Variants in GRIK2 observed in about 807,000 individuals in gnomAD.
GRIK2 encodes the protein glutamate receptor ionotropic, kainate 2.
GRIK2 carries 32 observed loss-of-function variants against 100.3 expected under a neutral mutation model. The ratio of observed to expected loss-of-function variants is 0.32; its 90% confidence interval spans 0.24 to 0.43. GRIK2 has a LOEUF of 0.43. Ranked by LOEUF, GRIK2 falls within the 20% of genes least tolerant of loss-of-function variation. The pLI, the probability that GRIK2 is intolerant of heterozygous loss-of-function variation, is 1.00. For synonymous variants in GRIK2, 417 were observed against 389.4 expected (o/e 1.07, Z -0.83); for missense variants, 843 against 1,114.9 (o/e 0.76, Z 3.47).
At chr6:101,955,750 G>A (rs1268531441) in intron 14 of GRIK2, among the ~76,000 whole-genome samples, 2 of 151,426 alleles carry the variant, frequency 1.3e-5, no homozygotes, top group African/African-American at 4.9e-5. Context: ...TTTTCTGTTA[G>A]ATTGTAGGCA....
At chr6:101,669,453 A>G (rs1236725125) in intron 4 of GRIK2, among the ~76,000 whole-genome samples, 1 of 152,124 alleles carries the variant, frequency 6.6e-6, no homozygotes, top group Non-Finnish European at 1.5e-5. Flanking sequence ...TTATTTTGAG[A>G]GACTTATTTT....
At chr6:101,921,853 C>T (rs1410333759) in intron 12 of GRIK2, among the ~76,000 whole-genome samples, 1 of 151,964 alleles carries the variant, frequency 6.6e-6, no homozygotes, top group African/African-American at 2.4e-5. Context: ...TATTGGAGAC[C>T]ATTTTTCTTA....
intron 2 of GRIK2, among the ~76,000 whole-genome samples, chr6:101,449,888 G>A (rs917504382): frequency 6.6e-6 from 1 of 151,650 alleles, no homozygotes; most frequent in Non-Finnish European, 1.5e-5. Context: ...GTGTAGAGAC[G>A]ATTAATTCAA....
chr6:101,693,636 GA>G (rs1256207692), intron 7 of GRIK2, among the ~76,000 whole-genome samples: 1 of 151,938 alleles, frequency 6.6e-6, no homozygotes, highest in Non-Finnish European at 1.5e-5. Flanking sequence ...TATCTTTTTA[GA>G]AAAGTGCCAA....
chr6:101,861,527 T>C (rs1257437929), intron 11 of GRIK2, among the ~76,000 whole-genome samples: 1 of 152,116 alleles, frequency 6.6e-6, no homozygotes, highest in Non-Finnish European at 1.5e-5. Context: ...TTAAGATTAA[T>C]TAAACATAGA....
At chr6:101,880,196 T>C (rs1228355489) in intron 11 of GRIK2, among the ~76,000 whole-genome samples, 2 of 152,098 alleles carry the variant, frequency 1.3e-5, no homozygotes, top group Non-Finnish European at 2.9e-5. Context: ...TTTGGTTTGC[T>C]CATCAGACTA....
intron 2 of GRIK2, among the ~76,000 whole-genome samples, chr6:101,614,030 G>A (rs1265595252): frequency 1.3e-5 from 2 of 151,626 alleles, no homozygotes; most frequent in African/African-American, 2.4e-5. Flanking sequence ...TGCTTCAGAT[G>A]ATAAGTTTGT....
At chr6:101,822,600 A>G (rs1354095695) in intron 10 of GRIK2, among the ~76,000 whole-genome samples, 1 of 152,200 alleles carries the variant, frequency 6.6e-6, no homozygotes, top group Non-Finnish European at 1.5e-5. Context: ...ACAAAAAATC[A>G]TAGCAGACAT....
chr6:101,541,548 A>T (rs1031703154), intron 2 of GRIK2, among the ~76,000 whole-genome samples: 1 of 152,052 alleles, frequency 6.6e-6, no homozygotes, highest in African/African-American at 2.4e-5. Context: ...GTGATCTCTA[A>T]GATCCTTGAA....
At chr6:101,524,889 G>A (rs751030402) in intron 2 of GRIK2, among the ~76,000 whole-genome samples, 2 of 151,904 alleles carry the variant, frequency 1.3e-5, no homozygotes, top group South Asian at 2.1e-4. Context: ...CTGACACTAC[G>A]CCTGGCTAAT....
intron 7 of GRIK2, among the ~76,000 whole-genome samples, chr6:101,704,666 C>T (rs1053440554): frequency 6.6e-6 from 1 of 151,176 alleles, no homozygotes; most frequent in East Asian, 1.9e-4. Flanking sequence ...TAGCCTCCTC[C>T]CTTCTCCCCA....
chr6:101,876,326 A>C (rs897699584), intron 11 of GRIK2, among the ~76,000 whole-genome samples: 86 of 151,898 alleles, frequency 5.7e-4, no homozygotes, highest in African/African-American at 2.0e-3. Flanking sequence ...ACAACATTAA[A>C]GATTAATCTA....
intron 2 of GRIK2, among the ~76,000 whole-genome samples, chr6:101,551,690 A>G (rs1582698271): frequency 6.6e-6 from 1 of 152,168 alleles, no homozygotes; most frequent in African/African-American, 2.4e-5. Context: ...TAAGACTTAT[A>G]CTACCAAAAA....
intron 2 of GRIK2, among the ~76,000 whole-genome samples, chr6:101,437,532 A>T (rs1468135947): frequency 1.3e-5 from 2 of 152,130 alleles, no homozygotes; most frequent in Non-Finnish European, 2.9e-5. Context: ...CTTCATTATT[A>T]TGCTTTTAAC....
At chr6:101,927,384 T>C (rs1789968966) in intron 13 of GRIK2, 1 of 307,512 alleles carries the variant, frequency 3.3e-6, no homozygotes, top group Admixed American at 6.5e-5. Context: ...ACAAATAAAA[T>C]TAAGTACTTT....
chr6:101,485,722 T>C (rs543989850), intron 2 of GRIK2, among the ~76,000 whole-genome samples: 1 of 152,260 alleles, frequency 6.6e-6, no homozygotes, highest in South Asian at 2.1e-4. Context: ...GAATATAAAA[T>C]GAAAGTCTTT....
intron 7 of GRIK2, among the ~76,000 whole-genome samples, chr6:101,763,496 G>T (rs1272594253): frequency 6.6e-6 from 1 of 152,108 alleles, no homozygotes; most frequent in African/African-American, 2.4e-5. Flanking sequence ...TTACTATGTG[G>T]AAGTTAGCAT....
chr6:101,568,203 A>G (rs1166602124), intron 2 of GRIK2, among the ~76,000 whole-genome samples: 1 of 151,726 alleles, frequency 6.6e-6, no homozygotes, highest in Non-Finnish European at 1.5e-5. Context: ...TTTTCATTTG[A>G]TTTTCTCAGC....
At chr6:101,509,434 T>C (rs1420819425) in intron 2 of GRIK2, among the ~76,000 whole-genome samples, 1 of 152,196 alleles carries the variant, frequency 6.6e-6, no homozygotes, top group Non-Finnish European at 1.5e-5. Flanking sequence ...TATTAAAACC[T>C]GAAGGTCGAA....
Sources: allele counts gnomAD v4.1 joint callset (sites outside exome capture counted in the v4.1 genomes callset), GRCh38; gene constraint gnomAD v4.1.1; transcripts MANE v1.5; gene names NCBI Gene and HGNC (gene_info 2026-07-23, HGNC 2026-07-21).